SMARCC2: variants seen among roughly 807,000 people sequenced by gnomAD.
SMARCC2 encodes the protein SWI/SNF related BAF chromatin remodeling complex subunit C2, also known as SWI/SNF complex subunit SMARCC2.
In SMARCC2, 15 loss-of-function variants were observed where a neutral mutation model predicts 151.3. The ratio of observed to expected loss-of-function variants is 0.10; its 90% CI spans 0.07 to 0.15. The LOEUF (loss-of-function observed/expected upper bound fraction) is 0.15, where lower values mean the gene tolerates loss of function less well. Ranked by LOEUF, SMARCC2 falls within the 10% of genes least tolerant of loss-of-function variation. The pLI, the probability that SMARCC2 is intolerant of heterozygous loss-of-function variation, is 1.00. For missense variants in SMARCC2, 1,031 were observed against 1,599.7 expected, an observed-to-expected ratio of 0.64 and a Z score of 6.06; for synonymous variants, 590 against 609.5, an observed-to-expected ratio of 0.97 and a Z score of 0.47.
At chr12:56,167,956 ACAC>A in intron 26 of SMARCC2, 101 bp downstream of exon 26, 2 of 437,050 alleles carry the variant, frequency 4.6e-6, no homozygotes, top group Non-Finnish European at 7.1e-6. Flanking sequence ...ACTGAAACAC[ACAC>A]ACACACACAC....
chr12:56,167,949 GAAAC>G (rs1293730774), intron 26 of SMARCC2, 107 bp downstream of exon 26: 32 of 959,242 alleles, frequency 3.3e-5, no homozygotes, highest in Non-Finnish European at 4.3e-6. Context: ...CTCTTTCACT[GAAAC>G]ACACACACAC....
At chr12:56,173,926 G>A (rs1018122733) in intron 16 of SMARCC2, 77 bp from the exon 17 acceptor site, 27 of 1,399,476 alleles carry the variant, frequency 1.9e-5, no homozygotes, top group Middle Eastern at 1.8e-4. Flanking sequence ...GTGGGGGGTA[G>A]AAGGGGCATA....
At chr12:56,180,504 A>C (rs1875980623) in intron 11 of SMARCC2, among the ~76,000 whole-genome samples, 2 of 151,352 alleles carry the variant, frequency 1.3e-5, no homozygotes, top group Non-Finnish European at 1.5e-5. Flanking sequence ...CCCAGGTTCA[A>C]GCAATTCTCC....
intron 26 of SMARCC2, among the ~76,000 whole-genome samples, chr12:56,167,048 G>A (rs1397697101): frequency 7.2e-6 from 1 of 139,334 alleles, no homozygotes; most frequent in East Asian, 2.1e-4. Context: ...GGGCGAAAGA[G>A]TAAGACTCCA....
At chr12:56,186,323 C>G (rs1877236675) in intron 2 of SMARCC2, 83 bp from the exon 3 acceptor site, 1 of 805,166 alleles carries the variant, frequency 1.2e-6, no homozygotes, top group Non-Finnish European at 2.1e-6. Flanking sequence ...AATCCTTTCA[C>G]AAAATCCCAT....
At chr12:56,164,184 G>A (rs899988386) in intron 28 of SMARCC2, 119 bp downstream of exon 28, 2 of 896,984 alleles carry the variant, frequency 2.2e-6, no homozygotes, top group African/African-American at 3.4e-5. Context: ...AATTTTACCA[G>A]AGTGTTCAAA....
chr12:56,169,636 CCACTTCCTTCAG>C lies in SMARCC2; in HGVS notation c.2596_2607del (p.Leu866_Val869del). ...GTCTTCCTTTCCCCCTCAGACTCCA[CCACTTCCTTCAG>C]CACTTCCTCCTGCCCTTCCTTTGGC... is the stretch of plus-strand genomic sequence containing the variant. On this transcript the variant is annotated inframe_deletion, in exon 25 of 29. Transcript: ENST00000550164. 1 of 1,614,068 alleles carries C rather than the reference CCACTTCCTTCAG, an allele frequency of 6.2e-7. No individual in the cohort carries two copies. The highest frequency in any genetic ancestry group is 8.5e-7 in the Non-Finnish European group (1 of 1,179,980).
intron 6 of SMARCC2, 41 bp from the exon 7 acceptor site, chr12:56,183,971 G>A (rs756844407): frequency 1.4e-6 from 2 of 1,471,560 alleles, no homozygotes; most frequent in Non-Finnish European, 1.9e-6. Flanking sequence ...TAAGCTAAAG[G>A]GGGACACAAA....
chr12:56,173,080 C>T, intron 17 of SMARCC2, 51 bp from the exon 18 acceptor site: 1 of 1,578,022 alleles, frequency 6.3e-7, no homozygotes, highest in Middle Eastern at 1.7e-4. Context: ...ATGACCAGGC[C>T]AAGGCCCTGG....
At chr12:56,167,949 G>GAAAC (rs1293730774) in intron 26 of SMARCC2, 111 bp downstream of exon 26, 5 of 959,236 alleles carry the variant, frequency 5.2e-6, no homozygotes, top group East Asian at 3.1e-5. Context: ...CTCTTTCACT[G>GAAAC]AAACACACAC....
At chr12:56,181,975 G>A (rs766468907) in intron 8 of SMARCC2, 29 bp downstream of exon 8, 2 of 1,591,388 alleles carry the variant, frequency 1.3e-6, no homozygotes, top group South Asian at 2.2e-5. Context: ...CATTCTTTTT[G>A]GGGAAGAGGG....
In SMARCC2 at chr12:56,162,555, C is replaced by T. The variant is rs1004685028; in HGVS notation, c.*1134G>A. The T allele has an allele frequency of 1.4e-5, 7 of 485,878 alleles. No individual in the cohort carries two copies. The highest frequency in any genetic ancestry group is 5.9e-5 in the African/African-American group (3 of 50,992). The allele number at this position is 485,878 out of a possible 1,614,324, so 30.1% of individuals were successfully genotyped here. A position where few individuals can be genotyped will look rare whatever the true frequency, so the allele number is the denominator to read the frequency against. ...GAGCCTGGAGTCACACCTGCCTTCC[C>T]GTCACAGGGGAGAAGCTGGGACACG... is the stretch of plus-strand genomic sequence containing the variant. On this transcript the variant is annotated 3_prime_UTR_variant, in exon 29 of 29. Coordinates refer to ENST00000550164, the MANE Select transcript of SMARCC2 (RefSeq NM_001330288.2).
intron 26 of SMARCC2, among the ~76,000 whole-genome samples, chr12:56,166,963 T>C (rs368600266): frequency 1.2e-3 from 175 of 142,418 alleles, no homozygotes; most frequent in African/African-American, 4.3e-3. Flanking sequence ...ACTCGGGAGG[T>C]GAGGCAGGAG....
intron 17 of SMARCC2, 139 bp downstream of exon 17, chr12:56,173,557 C>T (rs1874357374): frequency 1.3e-6 from 1 of 744,468 alleles, no homozygotes; most frequent in Non-Finnish European, 2.2e-6. Context: ...GGGGCTGATT[C>T]CCGTGACCCT....
intron 1 of SMARCC2, among the ~76,000 whole-genome samples, chr12:56,188,598 T>A (rs1436000725): frequency 3.9e-5 from 6 of 152,108 alleles, no homozygotes; most frequent in Non-Finnish European, 1.5e-5. Context: ...TGATCTCCAG[T>A]TATGGGGTTT....
rs948241058 is a variant in SMARCC2, at chr12:56,169,507, G to C, written c.2715+22C>G. On this transcript the variant is annotated intron_variant, in intron 25 of 28. Transcript: ENST00000550164. ...GAGAAGTGGACATTTTCTTCCCTGA[G>C]GTCTTCAAGGTCTGGCCTCACCTTA... 1.9e-6 allele frequency: 3 copies of C among 1,611,338 alleles called. No individual in the cohort carries two copies. The African/African-American group carries it at 4.0e-5, about 22-fold the overall frequency.
chr12:56,170,221 G>C lies in SMARCC2; in HGVS notation c.2348-13C>G. On this transcript the variant is annotated splice_polypyrimidine_tract_variant and intron_variant, in intron 22 of 28. Transcript: ENST00000550164. Reference sequence around the variant, plus strand: ...TTCCCGCTCTCCTCTGGGCCCATGAGAAAAGAAAGAAAACAGGAAATGTTT... The same window carrying C: ...TTCCCGCTCTCCTCTGGGCCCATGACAAAAGAAAGAAAACAGGAAATGTTT... 1.2e-6 allele frequency: 2 copies of C among 1,609,526 alleles called. No homozygotes were observed. The highest frequency in any genetic ancestry group is 1.7e-6 in the Non-Finnish European group (2 of 1,176,388).
intron 10 of SMARCC2, 117 bp downstream of exon 10, chr12:56,181,365 G>A (rs1247780657): frequency 1.4e-6 from 1 of 693,498 alleles, no homozygotes; most frequent in Non-Finnish European, 2.4e-6. Flanking sequence ...GACACCTGCA[G>A]TATTATGGCA....
chr12:56,169,064 C>T (rs1283812146), intron 25 of SMARCC2, among the ~76,000 whole-genome samples: 2 of 152,032 alleles, frequency 1.3e-5, no homozygotes, highest in East Asian at 1.9e-4. Context: ...GAGGCCAAAG[C>T]GGGTGGATCA....
Sources: allele counts gnomAD v4.1 joint callset (sites outside exome capture counted in the v4.1 genomes callset), GRCh38; gene constraint gnomAD v4.1.1; transcripts MANE v1.5; gene names NCBI Gene and HGNC (gene_info 2026-07-23, HGNC 2026-07-21).